ATP8A2: variants seen among roughly 807,000 people sequenced by gnomAD.
The protein encoded by ATP8A2 is phospholipid-transporting ATPase IB.
Under a neutral mutation model 165.6 loss-of-function variants are expected in ATP8A2, and 100 were observed. That is an observed-to-expected ratio of 0.60 (90% CI 0.51 to 0.71). The LOEUF (loss-of-function observed/expected upper bound fraction) is 0.71. ATP8A2 is among the 30% of genes least tolerant of loss of function. The probability of loss-of-function intolerance (pLI) is 0.00; values close to 1 mark genes in which losing one functional copy is unlikely to be tolerated. For missense variants in ATP8A2, 1,227 were observed against 1,479.5 expected, an observed-to-expected ratio of 0.83 and a Z score of 2.80; for synonymous variants, 543 against 548.8, an observed-to-expected ratio of 0.99 and a Z score of 0.15.
chr13:25,998,741 TGGAAC>T (rs935322556), intron 35 of ATP8A2, among the ~76,000 whole-genome samples: 1 of 152,180 alleles, frequency 6.6e-6, no homozygotes, highest in Non-Finnish European at 1.5e-5. Flanking sequence ...TGTTTATTTT[TGGAAC>T]GGAATTTGTA....
At chr13:25,383,711 G>A (rs1247592888) in intron 1 of ATP8A2, among the ~76,000 whole-genome samples, 2 of 152,050 alleles carry the variant, frequency 1.3e-5, no homozygotes, top group Non-Finnish European at 2.9e-5. Flanking sequence ...CTTATATTAT[G>A]AATATAGTAT....
chr13:25,865,039 G>A (rs1952467597), intron 33 of ATP8A2, among the ~76,000 whole-genome samples: 1 of 152,192 alleles, frequency 6.6e-6, no homozygotes, highest in Non-Finnish European at 1.5e-5. Context: ...TTGAAGGATT[G>A]CTTGGGTGGA....
intron 2 of ATP8A2, among the ~76,000 whole-genome samples, chr13:25,504,355 G>GT (rs1393771232): frequency 2.2e-5 from 3 of 139,456 alleles, no homozygotes; most frequent in African/African-American, 8.0e-5. Context: ...TATTTCGTAT[G>GT]TTTTTTTCAG....
At chr13:25,643,743 T>G (rs1445733296) in intron 24 of ATP8A2, among the ~76,000 whole-genome samples, 3 of 136,104 alleles carry the variant, frequency 2.2e-5, no homozygotes, top group Admixed American at 7.6e-5. Context: ...TTTTGTTTTG[T>G]TTTTTTTTTC....
chr13:25,419,510 TA>T (rs2034236039), intron 1 of ATP8A2, among the ~76,000 whole-genome samples: 1 of 150,864 alleles, frequency 6.6e-6, no homozygotes, highest in African/African-American at 2.5e-5. Context: ...TAGCATTTTT[TA>T]TGCTATTTTT....
Position 25,469,052 on chromosome 13 carries a change from T to G in ATP8A2, c.152T>G (p.Leu51Arg). The G allele has an allele frequency of 1.2e-6, 2 of 1,614,076 alleles. No individual in the cohort carries two copies. The highest frequency in any genetic ancestry group is 1.7e-6 in the Non-Finnish European group (2 of 1,179,918). ...CGGGCCACGTCTGTTGGAGACCAGC[T>G]GGAGGCACCCGCCCGCACCATTTAC... ...MSRATSVGDQ[L>R]EAPARTIYLN... The change falls in exon 2 of 37, where the codon CTG (leucine) becomes CGG (arginine). Residue 51 changes from leucine (L) to arginine (R), a missense_variant. Around this residue, in one of 5 missense-constraint regions of ATP8A2, gnomAD observed 356 missense variants for 394.9 expected, o/e 0.90. Coordinates refer to ENST00000381655, the MANE Select transcript of ATP8A2 (RefSeq NM_016529.6).
intron 33 of ATP8A2, among the ~76,000 whole-genome samples, chr13:25,940,685 T>C (rs1955045863): frequency 6.6e-6 from 1 of 152,208 alleles, no homozygotes; most frequent in African/African-American, 2.4e-5. Flanking sequence ...GCCCACCGTG[T>C]GCTCCTTTCC....
chr13:25,738,896 T>C (rs2043845049), intron 25 of ATP8A2, among the ~76,000 whole-genome samples: 1 of 151,848 alleles, frequency 6.6e-6, no homozygotes, highest in South Asian at 2.1e-4. Flanking sequence ...AATTTCAAGG[T>C]CTAAAAATAG....
intron 25 of ATP8A2, among the ~76,000 whole-genome samples, chr13:25,761,661 T>A (rs752241447): frequency 5.3e-5 from 8 of 150,592 alleles, no homozygotes; most frequent in Middle Eastern, 3.6e-3. Context: ...ACAGTATATA[T>A]ATATACACAC....
At chr13:25,574,129 C>A (rs1267057605) in intron 18 of ATP8A2, among the ~76,000 whole-genome samples, 1 of 152,148 alleles carries the variant, frequency 6.6e-6, no homozygotes, top group Non-Finnish European at 1.5e-5. Context: ...ATAGCATGCG[C>A]ACCATCTGGA....
In ATP8A2 at chr13:25,578,912, T is replaced by G; in HGVS notation, c.1867+13T>G. On this transcript the variant is annotated intron_variant, in intron 21 of 36. Transcript: ENST00000381655. ...TTTGCCACGGAAGGTAAGTGGAATT[T>G]GGAAATGCTGTTTTTGGCCATTGGA... 1 of 1,567,108 alleles carries G rather than the reference T, an allele frequency of 6.4e-7. No homozygotes were observed. The highest frequency in any genetic ancestry group is 2.2e-5 in the East Asian group (1 of 44,662).
chr13:25,723,766 C>T (rs1011523926), intron 25 of ATP8A2, among the ~76,000 whole-genome samples: 2 of 151,978 alleles, frequency 1.3e-5, no homozygotes, highest in East Asian at 1.9e-4. Context: ...ACTCCCTCCA[C>T]GTAACCCCCG....
chr13:25,495,062 A>G (rs1013151298), intron 2 of ATP8A2, among the ~76,000 whole-genome samples: 6 of 151,510 alleles, frequency 4.0e-5, no homozygotes, highest in African/African-American at 1.5e-4. Flanking sequence ...CCAAACACCT[A>G]TGTAAGCCCA....
chr13:25,643,172 C>T (rs1220018750), intron 24 of ATP8A2, among the ~76,000 whole-genome samples: 3 of 152,128 alleles, frequency 2.0e-5, no homozygotes, highest in Non-Finnish European at 4.4e-5. Context: ...TGTAACAAAC[C>T]TGCATGTTTT....
At chr13:25,512,031 G>A (rs1239083031) in intron 2 of ATP8A2, among the ~76,000 whole-genome samples, 2 of 151,848 alleles carry the variant, frequency 1.3e-5, no homozygotes, top group South Asian at 2.1e-4. Context: ...AGGACCCTGC[G>A]GCCTTCCGCA....
At chr13:25,624,073 T>G (rs1177733124) in intron 24 of ATP8A2, among the ~76,000 whole-genome samples, 1 of 152,146 alleles carries the variant, frequency 6.6e-6, no homozygotes, top group East Asian at 1.9e-4. Flanking sequence ...TTTAAAATAT[T>G]TTGCACATTG....
At position 25,870,938 on chromosome 13, in the gene ATP8A2, A is replaced by G. The variant is rs147970565; in HGVS notation, c.3183+8530A>G. Among the ~76,000 whole-genome samples, 140 of 152,312 alleles carry G rather than the reference A, an allele frequency of 9.2e-4. 1 individual carries two copies. The highest frequency in any genetic ancestry group is 1.6e-3 in the Admixed American group (24 of 15,306). On this transcript the variant is annotated intron_variant, in intron 33 of 36. Transcript: ENST00000381655. ...TCTTTTTTAAAGTAAAGCAGGTTTCAAACAACAGGATTTATTTTTTACGTT... is the reference window on the plus strand; with the variant it reads ...TCTTTTTTAAAGTAAAGCAGGTTTCGAACAACAGGATTTATTTTTTACGTT...
intron 33 of ATP8A2, among the ~76,000 whole-genome samples, chr13:25,956,172 G>C (rs1024951083): frequency 1.3e-5 from 2 of 152,186 alleles, no homozygotes; most frequent in Non-Finnish European, 2.9e-5. Flanking sequence ...CATACTGAAT[G>C]GGCAAAAGCT....
chr13:25,549,415 G>A (rs549045181), intron 10 of ATP8A2, among the ~76,000 whole-genome samples: 4 of 146,926 alleles, frequency 2.7e-5, no homozygotes, highest in East Asian at 2.0e-4. Context: ...AGCCGAGATC[G>A]CACCACTGCA....
Sources: allele counts gnomAD v4.1 joint callset (sites outside exome capture counted in the v4.1 genomes callset), GRCh38; gene constraint gnomAD v4.1.1; regional missense constraint gnomAD v4.1.1; transcripts MANE v1.5; gene names NCBI Gene and HGNC (gene_info 2026-07-23, HGNC 2026-07-21).